PHACTR1: variants seen among roughly 807,000 people sequenced by gnomAD.
The protein encoded by PHACTR1 is phosphatase and actin regulator 1.
In PHACTR1, 16 loss-of-function variants were observed where a neutral mutation model predicts 69.2. The ratio of observed to expected loss-of-function variants is 0.23; its 90% CI spans 0.16 to 0.35. The LOEUF is 0.35. Among genes scored for constraint, PHACTR1 ranks in the 10% least tolerant of loss-of-function variants. PHACTR1 has a pLI of 1.00. For missense variants in PHACTR1, 510 were observed against 734.7 expected (o/e 0.69, Z 3.54); for synonymous variants, 312 against 284.5 (o/e 1.10, Z -0.97).
At chr6:12,868,083 C>A (rs1781643142) in intron 4 of PHACTR1, among the ~76,000 whole-genome samples, 1 of 152,044 alleles carries the variant, frequency 6.6e-6, no homozygotes, top group Admixed American at 6.6e-5. Flanking sequence ...ATGGCGAAAT[C>A]CCATCTCTAC....
At chr6:13,045,721 A>T (rs1396150309) in intron 4 of PHACTR1, among the ~76,000 whole-genome samples, 2 of 152,168 alleles carry the variant, frequency 1.3e-5, no homozygotes, top group African/African-American at 4.8e-5. Context: ...CCCGCATTGT[A>T]TGTCAGCACA....
intron 4 of PHACTR1, among the ~76,000 whole-genome samples, chr6:12,805,069 G>C (rs138963906): frequency 2.0e-4 from 30 of 152,240 alleles, no homozygotes; most frequent in African/African-American, 6.3e-4. Flanking sequence ...GTTATATGTG[G>C]GTTGCTGGGA....
At chr6:13,086,464 A>G in intron 5 of PHACTR1, among the ~76,000 whole-genome samples, 1 of 152,096 alleles carries the variant, frequency 6.6e-6, no homozygotes, top group Non-Finnish European at 1.5e-5. Context: ...TTGTTGCCCT[A>G]AAAAATTCCT....
intron 4 of PHACTR1, among the ~76,000 whole-genome samples, chr6:12,779,058 G>A (rs929389562): frequency 1.3e-5 from 2 of 152,170 alleles, no homozygotes; most frequent in African/African-American, 2.4e-5. Flanking sequence ...AGAAGCGGCC[G>A]GGCACGGTGG....
chr6:12,755,287 T>G (rs1342598263), intron 4 of PHACTR1, among the ~76,000 whole-genome samples: 5 of 152,208 alleles, frequency 3.3e-5, no homozygotes, highest in Non-Finnish European at 7.3e-5. Context: ...AGAATTTGAT[T>G]CTAATGCATC....
intron 5 of PHACTR1, among the ~76,000 whole-genome samples, chr6:13,067,936 A>G (rs1408553323): frequency 6.6e-6 from 1 of 152,098 alleles, no homozygotes; most frequent in Non-Finnish European, 1.5e-5. Context: ...TAGGGGTCAA[A>G]CTCTGGAGCC....
intron 4 of PHACTR1, among the ~76,000 whole-genome samples, chr6:13,018,996 G>A (rs947224008): frequency 2.0e-5 from 3 of 151,508 alleles, no homozygotes; most frequent in Admixed American, 1.3e-4. Context: ...GGCATGTACC[G>A]TCACATCTAG....
intron 10 of PHACTR1, among the ~76,000 whole-genome samples, chr6:13,257,658 G>T (rs370220963): frequency 1.3e-5 from 2 of 152,080 alleles, no homozygotes; most frequent in Non-Finnish European, 2.9e-5. Context: ...GACACTTTGC[G>T]CATGCTATTT....
intron 13 of PHACTR1, among the ~76,000 whole-genome samples, chr6:13,285,909 G>A (rs1452415361): frequency 2.0e-5 from 3 of 152,174 alleles, no homozygotes. Flanking sequence ...AAAAGAGGAA[G>A]AAAAACACAC....
At chr6:13,138,701 G>A (rs1483552441) in intron 5 of PHACTR1, among the ~76,000 whole-genome samples, 1 of 152,202 alleles carries the variant, frequency 6.6e-6, no homozygotes, top group East Asian at 1.9e-4. Context: ...GAAACTCAAA[G>A]GGGAAAATGA....
At chr6:12,916,734 C>G (rs1271525444) in intron 4 of PHACTR1, among the ~76,000 whole-genome samples, 1 of 151,950 alleles carries the variant, frequency 6.6e-6, no homozygotes, top group African/African-American at 2.4e-5. Flanking sequence ...TTGTAGGAGA[C>G]AAAAATAGAT....
At chr6:13,041,154 G>A (rs1394465688) in intron 4 of PHACTR1, among the ~76,000 whole-genome samples, 1 of 152,006 alleles carries the variant, frequency 6.6e-6, no homozygotes, top group Non-Finnish European at 1.5e-5. Flanking sequence ...GAATTAACAG[G>A]ACAAAAATAA....
intron 8 of PHACTR1, among the ~76,000 whole-genome samples, chr6:13,221,759 C>T (rs138346129): frequency 3.1e-4 from 47 of 152,248 alleles, no homozygotes; most frequent in Middle Eastern, 3.4e-3. Context: ...CAAAGGTGGC[C>T]GGGCACGGTG....
chr6:13,120,309 A>G (rs897537564), intron 5 of PHACTR1, among the ~76,000 whole-genome samples: 6 of 151,920 alleles, frequency 3.9e-5, no homozygotes, highest in South Asian at 2.1e-4. Flanking sequence ...CCATTTAAAC[A>G]AAGTAGGAAA....
intron 4 of PHACTR1, among the ~76,000 whole-genome samples, chr6:12,947,044 G>A (rs1790752979): frequency 6.6e-6 from 1 of 151,652 alleles, no homozygotes; most frequent in Admixed American, 6.6e-5. Context: ...AACTCCTGAT[G>A]TCGTGATCCA....
At chr6:12,919,740 T>A (rs529813129) in intron 4 of PHACTR1, among the ~76,000 whole-genome samples, 1 of 152,300 alleles carries the variant, frequency 6.6e-6, no homozygotes, top group South Asian at 2.1e-4. Context: ...GAGTTAAATA[T>A]GTATTATGCC....
chr6:12,839,160 C>A lies in PHACTR1; in HGVS notation c.250+89370C>A, dbSNP rs182921786. Among the ~76,000 whole-genome samples the A allele has an allele frequency of 8.7e-4, 132 of 152,280 alleles. 1 individual carries two copies. The highest frequency in any genetic ancestry group is 1.8e-3 in the Non-Finnish European group (122 of 68,026). ...GGATTCTAACCATAGAAAAGTTCAA[C>A]CTCAGAACCTCAGAATTTGCTTTGA... On this transcript the variant is annotated intron_variant, in intron 4 of 14. Coordinates refer to ENST00000332995, the MANE Select transcript of PHACTR1 (RefSeq NM_030948.6).
rs192794158 is a variant in PHACTR1 at position 12,766,289 on chromosome 6, T to C, written c.250+16499T>C. On this transcript the variant is annotated intron_variant, in intron 4 of 14. Coordinates refer to ENST00000332995, the MANE Select transcript of PHACTR1 (RefSeq NM_030948.6). ...CTCAGGTTGCCTTACAATTAATTCA[T>C]AGAAGGAAAATTATTAAGATATTTA... is the stretch of plus-strand genomic sequence containing the variant. 2.6e-3 allele frequency among the ~76,000 whole-genome samples: 402 copies of C among 152,314 alleles called. 2 individuals are homozygous for C. The highest frequency in any genetic ancestry group is 4.1e-3 in the Non-Finnish European group (281 of 68,032).
intron 5 of PHACTR1, among the ~76,000 whole-genome samples, chr6:13,094,973 G>T (rs1813933230): frequency 6.6e-6 from 1 of 152,290 alleles, no homozygotes; most frequent in Admixed American, 6.5e-5. Context: ...GGGCCCTGAT[G>T]TGGAAGGATT....
Sources: gnomAD v4.1 joint callset for allele counts (sites outside exome capture counted in the v4.1 genomes callset) on GRCh38, gnomAD v4.1.1 for gene constraint, MANE v1.5 for transcripts, NCBI Gene and HGNC (gene_info 2026-07-23, HGNC 2026-07-21) for gene names.